TUSC3: variants seen among roughly 807,000 people sequenced by gnomAD.
The protein encoded by TUSC3 is tumor suppressor candidate 3.
A neutral mutation model predicts 44.8 loss-of-function variants in TUSC3; 45 were observed. The ratio of observed to expected loss-of-function variants is 1.00; its 90% CI spans 0.79 to 1.29. The LOEUF is 1.29. Among genes scored for constraint, TUSC3 ranks in the 50% most tolerant of loss-of-function variants. The probability of loss-of-function intolerance (pLI) is 0.00; values close to 1 mark genes in which losing one functional copy is unlikely to be tolerated. For synonymous variants in TUSC3, 212 were observed against 152.9 expected (o/e 1.39, Z -2.85); for missense variants, 519 against 437.9 (o/e 1.19, Z -1.65).
chr8:15,418,478 C>T (rs923195875), intron 1 of TUSC3, among the ~76,000 whole-genome samples: 3 of 152,120 alleles, frequency 2.0e-5, no homozygotes, highest in Admixed American at 2.0e-4. Context: ...TTTTACAAAA[C>T]TGTCATTAAT....
At chr8:15,513,817 C>A (rs1181604921) in intron 2 of TUSC3, among the ~76,000 whole-genome samples, 2 of 152,186 alleles carry the variant, frequency 1.3e-5, no homozygotes, top group Admixed American at 1.3e-4. Flanking sequence ...TTATATCTCA[C>A]CAGAGTCAAT....
At chr8:15,600,084 C>A (rs1201241445) in intron 1 of TUSC3, among the ~76,000 whole-genome samples, 1 of 151,612 alleles carries the variant, frequency 6.6e-6, no homozygotes, top group African/African-American at 2.4e-5. Context: ...GGCGGGACTT[C>A]TAGTATGATG....
At chr8:15,522,442 A>G (rs1458054266) in intron 2 of TUSC3, among the ~76,000 whole-genome samples, 1 of 152,046 alleles carries the variant, frequency 6.6e-6, no homozygotes, top group Non-Finnish European at 1.5e-5. Flanking sequence ...CATGTTGGCC[A>G]GGTTGGTCTT....
chr8:15,681,763 G>A (rs1466425272), intron 6 of TUSC3, among the ~76,000 whole-genome samples: 1 of 151,686 alleles, frequency 6.6e-6, no homozygotes, highest in African/African-American at 2.4e-5. Flanking sequence ...TTTGATGTTA[G>A]ACTGTTGAGA....
At position 15,613,420 on chromosome 8, in the gene TUSC3, A is replaced by C. The variant is rs75083604; in HGVS notation, c.139-9660A>C. ...AAAGGAAAAGAAATTTGAGTGTCTT[A>C]GCATTTGTAAGATGCAGTGCTAAGA... On this transcript the variant is annotated intron_variant, in intron 1 of 10. Transcript: ENST00000503731. 3.0e-4 allele frequency among the ~76,000 whole-genome samples: 46 copies of C among 152,316 alleles called. No individual in the cohort carries two copies. The East Asian group carries it at 7.9e-3, about 26-fold the overall frequency.
chr8:15,489,742 GA>G (rs763539629), intron 2 of TUSC3, among the ~76,000 whole-genome samples: 9 of 152,158 alleles, frequency 5.9e-5, no homozygotes, highest in Non-Finnish European at 1.0e-4. Context: ...ATTCAAAAGG[GA>G]GAAAAGTATA....
chr8:15,844,342 C>T, the TUSC3 span, among the ~76,000 whole-genome samples: 8,983 of 152,134 alleles, frequency 0.059, 304 homozygotes, highest in Middle Eastern at 0.085. Context: ...AGTTACTGTG[C>T]TTTCAAAGTA....
intron 1 of TUSC3, among the ~76,000 whole-genome samples, chr8:15,594,387 T>G (rs1803980646): frequency 6.6e-6 from 1 of 152,048 alleles, no homozygotes; most frequent in African/African-American, 2.4e-5. Context: ...GATCGATTGA[T>G]TTTTTTTCCT....
chr8:15,631,687 TG>T (rs1805771937), intron 2 of TUSC3, among the ~76,000 whole-genome samples: 1 of 151,412 alleles, frequency 6.6e-6, no homozygotes, highest in African/African-American at 2.4e-5. Context: ...TGTGTGTGTG[TG>T]TGTGTGTGTG....
chr8:15,807,629 G>A, the TUSC3 span, among the ~76,000 whole-genome samples: 2 of 152,172 alleles, frequency 1.3e-5, no homozygotes, highest in Non-Finnish European at 2.9e-5. Flanking sequence ...CCCATCCGTG[G>A]TGGATTGGAT....
the TUSC3 span, among the ~76,000 whole-genome samples, chr8:15,828,714 G>A: frequency 6.6e-6 from 1 of 152,124 alleles, no homozygotes; most frequent in Non-Finnish European, 1.5e-5. Flanking sequence ...CGACTTCTCT[G>A]TGATACCACA....
chr8:15,785,359 G>C, the TUSC3 span, among the ~76,000 whole-genome samples: 2 of 151,792 alleles, frequency 1.3e-5, no homozygotes, highest in African/African-American at 4.8e-5. Context: ...AAATGATAAG[G>C]TTCCTTTGCT....
chr8:15,488,790 G>A (rs763907839), intron 2 of TUSC3, among the ~76,000 whole-genome samples: 40 of 152,258 alleles, frequency 2.6e-4, no homozygotes, highest in Non-Finnish European at 4.7e-4. Context: ...CAAATCTGAC[G>A]GTGCCTTGAT....
At chr8:15,424,651 T>C (rs1289222453) in intron 1 of TUSC3, among the ~76,000 whole-genome samples, 2 of 152,162 alleles carry the variant, frequency 1.3e-5, no homozygotes, top group Non-Finnish European at 2.9e-5. Context: ...GAGGCCGAGG[T>C]GGATGGATCA....
chr8:15,590,790 GC>G (rs1215614643), intron 1 of TUSC3, among the ~76,000 whole-genome samples: 9 of 151,914 alleles, frequency 5.9e-5, no homozygotes, highest in Non-Finnish European at 1.2e-4. Context: ...TCTCACCACA[GC>G]CACCCAAGTA....
rs112569707 is a variant in TUSC3 at position 15,764,254 on chromosome 8, A to G, written c.*98A>G. 204 of 1,600,046 alleles carry G rather than the reference A, an allele frequency of 1.3e-4. 3 individuals are homozygous for G. The African/African-American group carries it at 1.9e-3, about 15-fold the overall frequency. On this transcript the variant is annotated 3_prime_UTR_variant, in exon 11 of 11. Transcript: ENST00000503731. ...GATTTGCATAAAGTGAATGTTTACCATGAAGATAAACTGTTCCTGACTTTA... is the reference window on the plus strand; with the variant it reads ...GATTTGCATAAAGTGAATGTTTACCGTGAAGATAAACTGTTCCTGACTTTA...
chr8:15,522,968 G>T (rs886483567), intron 2 of TUSC3, among the ~76,000 whole-genome samples: 2 of 152,124 alleles, frequency 1.3e-5, no homozygotes, highest in Admixed American at 1.3e-4. Context: ...GAAAACCAAT[G>T]CGAAGATGCA....
Position 15,510,592 on chromosome 8 carries a change from T to C in TUSC3, n.189+27109T>C, listed in dbSNP as rs929151199. On this transcript the variant is annotated intron_variant and non_coding_transcript_variant, in intron 2 of 5. Transcript: ENST00000503191. ...ATTTTTTTAAATATCAGTTTGTAGT[T>C]AAAAACCTTCCCACACAGAAAACTC... Among the ~76,000 whole-genome samples, 15 of 152,276 alleles carry C rather than the reference T, an allele frequency of 9.9e-5. 1 individual carries two copies. In the Middle Eastern group the frequency reaches 0.014, roughly 139 times the overall value.
At chr8:15,512,812 G>C (rs1214909205) in intron 2 of TUSC3, among the ~76,000 whole-genome samples, 1 of 130,198 alleles carries the variant, frequency 7.7e-6, no homozygotes, top group Non-Finnish European at 1.6e-5. Flanking sequence ...ATCCCATTCT[G>C]TCTTGGGGTG....
Sources: gnomAD v4.1 joint callset for allele counts (sites outside exome capture counted in the v4.1 genomes callset) on GRCh38, gnomAD v4.1.1 for gene constraint, MANE v1.5 for transcripts, NCBI Gene and HGNC (gene_info 2026-07-23, HGNC 2026-07-21) for gene names.